The following TMEFF2 variants were observed in gnomAD, a reference collection of about 807,000 sequenced individuals.
TMEFF2 encodes the protein transmembrane protein with EGF like and two follistatin like domains 2.
In TMEFF2, 28 loss-of-function variants were observed where a neutral mutation model predicts 53.8. The observed-to-expected ratio is 0.52, with a 90% CI of 0.39 to 0.71. The LOEUF (loss-of-function observed/expected upper bound fraction) is 0.71. Ranked by LOEUF, TMEFF2 falls within the 30% of genes least tolerant of loss-of-function variation. TMEFF2 has a pLI of 0.00. For synonymous variants in TMEFF2, 162 were observed against 166.3 expected, an observed-to-expected ratio of 0.97 and a Z score of 0.20; for missense variants, 353 against 455.2, an observed-to-expected ratio of 0.78 and a Z score of 2.04.
chr2:192,135,709 G>A (rs180775743), intron 4 of TMEFF2, among the ~76,000 whole-genome samples: 2,544 of 152,048 alleles, frequency 0.017, 86 homozygotes, highest in African/African-American at 0.058. Context: ...CCAAGCCATC[G>A]CATCCCCTGT....
chr2:192,047,587 A>G (rs1687655000), intron 5 of TMEFF2, among the ~76,000 whole-genome samples: 1 of 152,170 alleles, frequency 6.6e-6, no homozygotes, highest in African/African-American at 2.4e-5. Context: ...TTCCATTCAT[A>G]GCTTAGTGAT....
intron 4 of TMEFF2, among the ~76,000 whole-genome samples, chr2:192,129,195 TG>T (rs1689750618): frequency 6.6e-6 from 1 of 152,182 alleles, no homozygotes; most frequent in South Asian, 2.1e-4. Context: ...ATCTTCGAAT[TG>T]GTTCCCTGAG....
chr2:192,021,704 A>G (rs912526156), intron 5 of TMEFF2, among the ~76,000 whole-genome samples: 4 of 152,208 alleles, frequency 2.6e-5, no homozygotes, highest in African/African-American at 9.6e-5. Flanking sequence ...GCATCATAGT[A>G]CATGGTAACA....
intron 5 of TMEFF2, among the ~76,000 whole-genome samples, chr2:192,052,866 G>T (rs1364409313): frequency 6.6e-6 from 1 of 152,194 alleles, no homozygotes; most frequent in African/African-American, 2.4e-5. Context: ...TCTATTATGA[G>T]AATGGATGTA....
intron 4 of TMEFF2, among the ~76,000 whole-genome samples, chr2:192,135,127 T>A (rs1343004670): frequency 6.6e-6 from 1 of 152,162 alleles, no homozygotes; most frequent in Non-Finnish European, 1.5e-5. Context: ...ATCCCTACTA[T>A]TTTCTGTCTA....
intron 4 of TMEFF2, among the ~76,000 whole-genome samples, chr2:192,151,559 GT>G (rs988979950): frequency 2.6e-5 from 4 of 151,762 alleles, no homozygotes; most frequent in African/African-American, 9.7e-5. Flanking sequence ...TTATTTGTTT[GT>G]TTTTTTAACC....
At chr2:191,954,134 A>G (rs553108824) in intron 8 of TMEFF2, among the ~76,000 whole-genome samples, 139 of 151,926 alleles carry the variant, frequency 9.1e-4, no homozygotes, top group Admixed American at 1.6e-3. Context: ...TGATCCGCCC[A>G]CCTCAGCCTC....
chr2:191,998,728 C>CT (rs1686283791), intron 6 of TMEFF2, among the ~76,000 whole-genome samples: 1 of 151,926 alleles, frequency 6.6e-6, no homozygotes, highest in African/African-American at 2.4e-5. Flanking sequence ...TCAAGGATGT[C>CT]TAATAAATTC....
At position 191,991,272 on chromosome 2, in the gene TMEFF2, C is replaced by G. The variant is rs760067068; in HGVS notation, c.745+6990G>C. Among the ~76,000 whole-genome samples, 101 of 152,038 alleles carry G rather than the reference C, an allele frequency of 6.6e-4. 1 individual carries two copies. The highest frequency in any genetic ancestry group is 1.5e-4 in the Non-Finnish European group (10 of 67,992). ...GGTAGGAAAAATAATCCAGAAACTT[C>G]TTGTAATTGTACGAGTCCATAAAGG... On this transcript the variant is annotated intron_variant, in intron 7 of 9. Coordinates refer to ENST00000272771, the MANE Select transcript of TMEFF2 (RefSeq NM_016192.4).
chr2:192,007,319 C>T (rs1320071077), intron 5 of TMEFF2, among the ~76,000 whole-genome samples: 1 of 152,136 alleles, frequency 6.6e-6, no homozygotes, highest in Non-Finnish European at 1.5e-5. Context: ...AAAACCAAGA[C>T]CAAGTGGCAG....
rs190550902 is a variant in TMEFF2, at chr2:191,981,100, C to T, written c.745+17162G>A. On this transcript the variant is annotated intron_variant, in intron 7 of 9. Coordinates refer to ENST00000272771, the MANE Select transcript of TMEFF2 (RefSeq NM_016192.4). ...TTTTTTTTTTATTTAATAAAAAATA[C>T]GACATGATTTAAAATACCTTAGTGA... Among the ~76,000 whole-genome samples the T allele has an allele frequency of 1.3e-3, 204 of 151,638 alleles. 1 individual carries two copies. Among genetic ancestry groups the T allele is most frequent in the African/African-American group, 4.3e-3 (179 of 41,350 alleles).
chr2:191,956,973 TTCAAAATCA>T (rs1692121620), intron 7 of TMEFF2, among the ~76,000 whole-genome samples: 9 of 152,320 alleles, frequency 5.9e-5, no homozygotes, highest in Admixed American at 6.5e-5. Flanking sequence ...AAAACGTTAT[TTCAAAATCA>T]CTTATGTAGA....
Position 192,057,778 on chromosome 2 carries a change from G to A in TMEFF2, c.440-3C>T. On this transcript the variant is annotated splice_polypyrimidine_tract_variant and splice_region_variant and intron_variant, in intron 4 of 9. Transcript: ENST00000272771. ...AGTTTCTCCAGAGCCTTCATGGACTGTAGGACAGAAAAACAGTAAAAGGAA... is the reference window on the plus strand; with the variant it reads ...AGTTTCTCCAGAGCCTTCATGGACTATAGGACAGAAAAACAGTAAAAGGAA... The A allele has an allele frequency of 6.2e-7, 1 of 1,610,728 alleles. No homozygotes were observed. Among genetic ancestry groups the A allele is most frequent in the Non-Finnish European group, 8.5e-7 (1 of 1,176,996 alleles).
chr2:192,136,491 T>G (rs1220662945), intron 4 of TMEFF2, among the ~76,000 whole-genome samples: 1 of 152,230 alleles, frequency 6.6e-6, no homozygotes, highest in African/African-American at 2.4e-5. Flanking sequence ...TATTTTAGTG[T>G]AGAATAAAAT....
intron 5 of TMEFF2, among the ~76,000 whole-genome samples, chr2:192,048,748 CA>C (rs1687688672): frequency 6.6e-6 from 1 of 152,112 alleles, no homozygotes; most frequent in South Asian, 2.1e-4. Context: ...CAGAAATAGA[CA>C]TTTGTAATAA....
chr2:192,157,860 C>A (rs993485642), intron 4 of TMEFF2, among the ~76,000 whole-genome samples: 3 of 152,024 alleles, frequency 2.0e-5, no homozygotes, highest in Non-Finnish European at 2.9e-5. Context: ...ATTTCATATT[C>A]TAGTCATGCC....
intron 4 of TMEFF2, among the ~76,000 whole-genome samples, chr2:192,126,819 C>T (rs1689689318): frequency 6.6e-6 from 1 of 151,206 alleles, no homozygotes; most frequent in African/African-American, 2.5e-5. Flanking sequence ...GTGGAGTTGC[C>T]TTCTAACTAC....
intron 4 of TMEFF2, among the ~76,000 whole-genome samples, chr2:192,091,006 C>T (rs1688778058): frequency 6.6e-6 from 1 of 152,260 alleles, no homozygotes; most frequent in Admixed American, 6.5e-5. Flanking sequence ...GAAAATATTA[C>T]ACGTGGGAGA....
chr2:191,959,347 A>G (rs1234544152), intron 7 of TMEFF2, among the ~76,000 whole-genome samples: 1 of 152,100 alleles, frequency 6.6e-6, no homozygotes, highest in Non-Finnish European at 1.5e-5. Flanking sequence ...TTCTGATACA[A>G]TCTGAGTTAT....
Sources: allele counts gnomAD v4.1 joint callset (sites outside exome capture counted in the v4.1 genomes callset), GRCh38; gene constraint gnomAD v4.1.1; transcripts MANE v1.5; gene names NCBI Gene and HGNC (gene_info 2026-07-23, HGNC 2026-07-21).